Variants in CA2 observed in about 807,000 individuals in gnomAD.
CA2 encodes the protein carbonic anhydrase 2.
CA2 carries 23 observed loss-of-function variants against 27.8 expected under a neutral mutation model. The observed-to-expected ratio is 0.83, with a 90% CI of 0.59 to 1.17. The LOEUF (loss-of-function observed/expected upper bound fraction) is 1.17. Among genes scored for constraint, CA2 ranks in the 50% most tolerant of loss-of-function variants. CA2 has a pLI of 0.00. For missense variants in CA2, 300 were observed against 314.7 expected (o/e 0.95, Z 0.35); for synonymous variants, 99 against 114.9 (o/e 0.86, Z 0.88).
At chr8:85,476,547 A>G (rs1049262603) in intron 5 of CA2, among the ~76,000 whole-genome samples, 2 of 152,128 alleles carry the variant, frequency 1.3e-5, no homozygotes, top group African/African-American at 4.8e-5. Context: ...CTCTGTCTCT[A>G]CTTTGTTTTT....
chr8:85,471,191 T>C (rs1002348318), intron 2 of CA2, among the ~76,000 whole-genome samples: 5 of 152,148 alleles, frequency 3.3e-5, no homozygotes, highest in African/African-American at 9.6e-5. Context: ...TTGACTAAAC[T>C]CCATGCTAAG....
chr8:85,465,061 C>T (rs779088340), intron 1 of CA2: 96 of 564,510 alleles, frequency 1.7e-4, no homozygotes, highest in Non-Finnish European at 6.3e-6. Context: ...ATTCTTACAG[C>T]GACATCTATG....
At chr8:85,471,340 G>C (rs967572256) in intron 2 of CA2, among the ~76,000 whole-genome samples, 1 of 151,474 alleles carries the variant, frequency 6.6e-6, no homozygotes, top group African/African-American at 2.4e-5. Context: ...GGTGATAACA[G>C]ATTAGCACTG....
chr8:85,473,419 A>C lies in CA2; in HGVS notation c.233-274A>C, dbSNP rs1339557048. On this transcript the variant is annotated intron_variant, in intron 2 of 6. Coordinates refer to ENST00000285379, the MANE Select transcript of CA2 (RefSeq NM_000067.3). ...GGAATCAGTATGCTCAGAAAGAAAG[A>C]TGTGAAAAACATCCATTCTCCAGAC... is the stretch of plus-strand genomic sequence containing the variant. 8 of 555,506 alleles carry C rather than the reference A, an allele frequency of 1.4e-5. 1 individual carries two copies. Among genetic ancestry groups the C allele is most frequent in the African/African-American group, 5.6e-5 (3 of 53,948 alleles). 34.4% of individuals were successfully genotyped at this position (555,506 alleles called of 1,614,324 possible).
chr8:85,479,277 T>C (rs755241745), intron 6 of CA2, among the ~76,000 whole-genome samples: 1 of 152,218 alleles, frequency 6.6e-6, no homozygotes, highest in Non-Finnish European at 1.5e-5. Flanking sequence ...TCGGTTATAC[T>C]GGTTTGATCA....
At chr8:85,480,096 C>G (rs1007030300) in intron 6 of CA2, among the ~76,000 whole-genome samples, 1 of 152,070 alleles carries the variant, frequency 6.6e-6, no homozygotes, top group Admixed American at 6.5e-5. Flanking sequence ...GAAAATTTCC[C>G]TTAAAAATGA....
chr8:85,477,965 T>G (rs1811830461), intron 6 of CA2, among the ~76,000 whole-genome samples: 1 of 152,222 alleles, frequency 6.6e-6, no homozygotes, highest in South Asian at 2.1e-4. Flanking sequence ...CCTGAATAAT[T>G]TAAGGATAGC....
rs142599384 is a variant in CA2 at position 85,472,753 on chromosome 8, G to A, written c.233-940G>A. On this transcript the variant is annotated intron_variant, in intron 2 of 6. Transcript: ENST00000285379. ...TGCCTGTAATCCCGGCACTTTAGGA[G>A]GCCGAGGTGGATGGATTACTCAAGC... is the stretch of plus-strand genomic sequence containing the variant. Among the ~76,000 whole-genome samples, 514 of 152,170 alleles carry A rather than the reference G, an allele frequency of 3.4e-3. 4 individuals are homozygous for A. The highest frequency in any genetic ancestry group is 0.012 in the African/African-American group (484 of 41,492).
chr8:85,475,653 A>G (rs1199650130), intron 4 of CA2, 145 bp from the exon 5 acceptor site: 2 of 739,910 alleles, frequency 2.7e-6, no homozygotes, highest in Non-Finnish European at 2.4e-6. Context: ...AGTGTCATCA[A>G]GCCAGTACTG....
chr8:85,472,956 C>T (rs931757382), intron 2 of CA2, among the ~76,000 whole-genome samples: 1 of 150,842 alleles, frequency 6.6e-6, no homozygotes, highest in South Asian at 2.1e-4. Flanking sequence ...ATCGCACCAC[C>T]GCACTCCAGC....
intron 2 of CA2, 43 bp downstream of exon 2, chr8:85,465,512 G>C: frequency 6.6e-7 from 1 of 1,513,318 alleles, no homozygotes; most frequent in Non-Finnish European, 9.1e-7. Context: ...GCCAGTAGCT[G>C]TTTTCCGAGC....
chr8:85,465,394 C>G lies in CA2; in HGVS notation c.157C>G (p.Gln53Glu), dbSNP rs1811613004. The change falls in exon 2 of 7, where the codon CAA (glutamine) becomes GAA (glutamate). Residue 53 changes from glutamine to glutamate, a missense_variant. Coordinates refer to ENST00000285379, the MANE Select transcript of CA2 (RefSeq NM_000067.3). ...GAAGCCCCTGTCTGTTTCCTATGAT[C>G]AAGCAACTTCCCTGAGGATCCTCAA... ...SLKPLSVSYDQATSLRILNNG... is the reference protein window; with the variant it reads ...SLKPLSVSYDEATSLRILNNG... 1 of 1,614,064 alleles carries G rather than the reference C, an allele frequency of 6.2e-7. No homozygotes were observed. Among genetic ancestry groups the G allele is most frequent in the Admixed American group, 1.7e-5 (1 of 60,008 alleles).
At chr8:85,473,017 T>C (rs865894958) in intron 2 of CA2, among the ~76,000 whole-genome samples, 4 of 140,472 alleles carry the variant, frequency 2.8e-5, no homozygotes, top group Admixed American at 2.3e-4. Flanking sequence ...TAATAATAAA[T>C]AAATAAATAA....
chr8:85,474,035 C>T (rs745586597), intron 3 of CA2: 14 of 605,344 alleles, frequency 2.3e-5, no homozygotes, highest in South Asian at 6.1e-5. Flanking sequence ...AAAAAGTAAA[C>T]GGACTCAAAC....
At chr8:85,479,672 AAATC>A (rs1056209623) in intron 6 of CA2, among the ~76,000 whole-genome samples, 3 of 152,156 alleles carry the variant, frequency 2.0e-5, no homozygotes, top group Non-Finnish European at 4.4e-5. Flanking sequence ...AAGGGAATAA[AAATC>A]AACCAGTGAC....
In CA2 at chr8:85,475,371, T is replaced by TAAA. The variant is rs3070396; in HGVS notation, c.445-404_445-402dup. Among the ~76,000 whole-genome samples, 262 of 41,296 alleles carry TAAA rather than the reference T, an allele frequency of 6.3e-3. 47 individuals are homozygous for TAAA. The highest frequency in any genetic ancestry group is 0.012 in the African/African-American group (106 of 9,074). 27.1% of individuals were successfully genotyped at this position (41,296 alleles called of 152,430 possible). ...GGATGACAGAGCAAGACTCTGACTCTAAAAAAAAAAAAAAAAAAAAAAAAA... is the reference window on the plus strand; with the variant it reads ...GGATGACAGAGCAAGACTCTGACTCTAAAAAAAAAAAAAAAAAAAAAAAAAAAA... On this transcript the variant is annotated intron_variant, in intron 4 of 6. Coordinates refer to ENST00000285379, the MANE Select transcript of CA2 (RefSeq NM_000067.3).
In CA2 at chr8:85,464,065, C is replaced by G; in HGVS notation, c.-17C>G. The G allele has an allele frequency of 2.6e-6, 4 of 1,546,584 alleles. No homozygotes were observed. Among genetic ancestry groups the G allele is most frequent in the Non-Finnish European group, 3.5e-6 (4 of 1,148,824 alleles). On this transcript the variant is annotated 5_prime_UTR_variant, in exon 1 of 7. Coordinates refer to ENST00000285379, the MANE Select transcript of CA2 (RefSeq NM_000067.3). ...ATCGGTGCCGATTCCTGCCCTGCCC[C>G]GACCGCCAGCGCGACCATGTCCCAT...
At position 85,475,881 on chromosome 8, in the gene CA2, A is replaced by G. The variant is rs755303807; in HGVS notation, c.507+21A>G. 3.7e-6 allele frequency: 6 copies of G among 1,605,830 alleles called. No homozygotes were observed. In the South Asian group the frequency reaches 5.5e-5, roughly 15 times the overall value. On this transcript the variant is annotated intron_variant, in intron 5 of 6. Coordinates refer to ENST00000285379, the MANE Select transcript of CA2 (RefSeq NM_000067.3). ...CAAAGGTAAATTTGAATTTTCTGCC[A>G]CCTCCTTAGGGTACCAATTTTCAAT...
At chr8:85,475,925 AT>A in intron 5 of CA2, 65 bp downstream of exon 5, 1 of 1,327,830 alleles carries the variant, frequency 7.5e-7, no homozygotes, top group Non-Finnish European at 1.1e-6. Flanking sequence ...GGTTTTAGAA[AT>A]TTCTTTTGAT....
Sources: gnomAD v4.1 joint callset for allele counts (sites outside exome capture counted in the v4.1 genomes callset) on GRCh38, gnomAD v4.1.1 for gene constraint, MANE v1.5 for transcripts, NCBI Gene and HGNC (gene_info 2026-07-23, HGNC 2026-07-21) for gene names.